DORIP1: variants seen among roughly 807,000 people sequenced by gnomAD.
DORIP1 encodes dopamine receptor-interacting protein 1.
At chr14:44,900,286 C>A in the DORIP1 span, 1 of 631,010 alleles carries the variant, frequency 1.6e-6, no homozygotes. Context: ...CGAAAAGTGG[C>A]TCATTTAAAT....
chr14:44,905,529 T>C, the DORIP1 span: 3 of 1,523,124 alleles, frequency 2.0e-6, no homozygotes, highest in East Asian at 6.9e-5. Flanking sequence ...CATTGGTTTA[T>C]ATTCGAGCAA....
the DORIP1 span, among the ~76,000 whole-genome samples, chr14:44,902,805 A>G: frequency 6.6e-6 from 1 of 152,136 alleles, no homozygotes; most frequent in Admixed American, 6.5e-5. Flanking sequence ...ATGTAGAAAA[A>G]AAGTTTTTTT....
the DORIP1 span, chr14:44,904,539 TTTG>T: frequency 6.6e-5 from 103 of 1,564,490 alleles, no homozygotes; most frequent in African/African-American, 3.6e-4. Flanking sequence ...AGTAGGTGTT[TTTG>T]TTGTTGTTTC....
the DORIP1 span, chr14:44,903,331 GTATGTGTT>G: frequency 6.3e-7 from 1 of 1,577,972 alleles, no homozygotes; most frequent in Non-Finnish European, 8.7e-7. Flanking sequence ...ATGACAGTAT[GTATGTGTT>G]TATAAGGAAA....
the DORIP1 span, chr14:44,903,222 T>G: frequency 6.2e-7 from 1 of 1,612,136 alleles, no homozygotes; most frequent in South Asian, 1.1e-5. Context: ...CCCAAGAAAT[T>G]CCACATGGAA....
the DORIP1 span, chr14:44,903,347 A>G: frequency 6.4e-7 from 1 of 1,550,758 alleles, no homozygotes; most frequent in Non-Finnish European, 8.8e-7. Context: ...GTTTATAAGG[A>G]AACCTAGGCA....
chr14:44,900,381 T>C, the DORIP1 span: 1 of 1,363,954 alleles, frequency 7.3e-7, no homozygotes, highest in Non-Finnish European at 9.7e-7. Flanking sequence ...TATTATGCAT[T>C]TAATATACAA....
chr14:44,905,521 T>C, the DORIP1 span: 40 of 1,527,038 alleles, frequency 2.6e-5, no homozygotes, highest in Non-Finnish European at 3.4e-5. Flanking sequence ...CTTGTCATCA[T>C]TGGTTTATAT....
chr14:44,900,951 T>C, the DORIP1 span: 1 of 1,566,288 alleles, frequency 6.4e-7, no homozygotes, highest in Non-Finnish European at 8.6e-7. Context: ...AGCGCACAAT[T>C]AATATAAAGT....
chr14:44,901,033 A>G, the DORIP1 span: 230 of 1,443,880 alleles, frequency 1.6e-4, no homozygotes, highest in Non-Finnish European at 2.1e-4. Flanking sequence ...GTAGTCGTGT[A>G]CCCCATAATG....
chr14:44,897,591 T>G, the DORIP1 span: 1 of 165,620 alleles, frequency 6.0e-6, no homozygotes, highest in Admixed American at 6.5e-5. Flanking sequence ...TGCTTCCTGG[T>G]GGACGGAGAC....
the DORIP1 span, among the ~76,000 whole-genome samples, chr14:44,898,319 C>T: frequency 1.3e-5 from 2 of 152,090 alleles, no homozygotes; most frequent in Non-Finnish European, 2.9e-5. Flanking sequence ...CTTCCCTCCT[C>T]CCGTTTTTTC....
chr14:44,903,580 A>G, the DORIP1 span: 1 of 1,041,696 alleles, frequency 9.6e-7, no homozygotes, highest in Admixed American at 5.3e-5. Context: ...AATTATCTGG[A>G]TTTTTTTCTG....
At chr14:44,902,184 A>G in the DORIP1 span, among the ~76,000 whole-genome samples, 216 of 152,286 alleles carry the variant, frequency 1.4e-3, no homozygotes, top group Non-Finnish European at 2.0e-3. Flanking sequence ...CATAAAGACA[A>G]CTCAGAAGTG....
At chr14:44,897,944 A>G in the DORIP1 span, among the ~76,000 whole-genome samples, 1 of 152,202 alleles carries the variant, frequency 6.6e-6, no homozygotes, top group Non-Finnish European at 1.5e-5. Context: ...CTGAGTCCTT[A>G]GGGAGTCTGG....
At chr14:44,899,823 A>ATTTTTTTTTTTTTTTT in the DORIP1 span, among the ~76,000 whole-genome samples, 1 of 134,446 alleles carries the variant, frequency 7.4e-6, no homozygotes, top group East Asian at 2.0e-4. Context: ...TTCATTTAGG[A>ATTTTTTTTTTTTTTTT]ATTTTTTTTT....
chr14:44,897,943 T>C, the DORIP1 span, among the ~76,000 whole-genome samples: 1 of 152,198 alleles, frequency 6.6e-6, no homozygotes, highest in Admixed American at 6.5e-5. Flanking sequence ...CCTGAGTCCT[T>C]AGGGAGTCTG....
the DORIP1 span, chr14:44,897,448 C>A: frequency 5.0e-6 from 1 of 199,208 alleles, no homozygotes; most frequent in Non-Finnish European, 1.0e-5. Flanking sequence ...GCCGAGACAG[C>A]CGGCGGTACT....
At chr14:44,897,467 A>AGGCAGCGGCGGCGGC in the DORIP1 span, 21 of 212,372 alleles carry the variant, frequency 9.9e-5, 6 homozygotes, top group Non-Finnish European at 1.7e-4. Context: ...CTCATAGATG[A>AGGCAGCGGCGGCGGC]GGCAGCGGCG....
Sources: allele counts gnomAD v4.1 joint callset (sites outside exome capture counted in the v4.1 genomes callset), GRCh38; gene constraint gnomAD v4.1.1; transcripts MANE v1.5; gene names NCBI Gene and HGNC (gene_info 2026-07-23, HGNC 2026-07-21).